Variants in PPFIBP2 observed in about 807,000 individuals in gnomAD.
PPFIBP2 encodes PPFIB scaffold protein 2.
Under a neutral mutation model 118.3 loss-of-function variants are expected in PPFIBP2, and 118 were observed. The observed-to-expected ratio is 1.00, with a 90% confidence interval of 0.86 to 1.16. The LOEUF is 1.16. Among genes scored for constraint, PPFIBP2 ranks in the 50% most tolerant of loss-of-function variants. The pLI is 0.00. For synonymous variants in PPFIBP2, 414 were observed against 397.4 expected (o/e 1.04, Z -0.50); for missense variants, 1,195 against 1,073.1 (o/e 1.11, Z -1.59).
intron 1 of PPFIBP2, among the ~76,000 whole-genome samples, chr11:7,539,787 G>A (rs530494045): frequency 6.6e-6 from 1 of 152,280 alleles, no homozygotes; most frequent in South Asian, 2.1e-4. Flanking sequence ...GAGTTGAGCA[G>A]GTAGAACGAA....
At chr11:7,632,283 C>A (rs1850868819) in intron 11 of PPFIBP2, 1 of 152,394 alleles carries the variant, frequency 6.6e-6, no homozygotes. Flanking sequence ...CCACTGTTCC[C>A]ATATTGTGTT....
chr11:7,634,647 G>A, intron 13 of PPFIBP2, 95 bp downstream of exon 13: 1 of 922,034 alleles, frequency 1.1e-6, no homozygotes. Flanking sequence ...TCCCTACCTT[G>A]TAGAGGATTT....
At chr11:7,580,767 C>T (rs527447116) in intron 3 of PPFIBP2, among the ~76,000 whole-genome samples, 2 of 152,276 alleles carry the variant, frequency 1.3e-5, no homozygotes, top group East Asian at 3.9e-4. Context: ...CTACCACATA[C>T]AGGCTTTATG....
intron 5 of PPFIBP2, among the ~76,000 whole-genome samples, chr11:7,608,788 A>G (rs1565049339): frequency 1.3e-5 from 2 of 152,238 alleles, no homozygotes. Flanking sequence ...TGGAGGGTTT[A>G]TTAAGAAGAT....
At chr11:7,618,671 A>G (rs1848973330) in intron 6 of PPFIBP2, among the ~76,000 whole-genome samples, 1 of 152,190 alleles carries the variant, frequency 6.6e-6, no homozygotes, top group Non-Finnish European at 1.5e-5. Flanking sequence ...TCATGGATGC[A>G]ATAACCTTAG....
In PPFIBP2 at chr11:7,578,257, A is replaced by G. The variant is rs147349524; in HGVS notation, c.279+12490A>G. Among the ~76,000 whole-genome samples the G allele has an allele frequency of 1.6e-4, 24 of 152,354 alleles. 1 individual carries two copies. The East Asian group carries it at 4.6e-3, about 29-fold the overall frequency. ...GGGGCTGGAGTAGCATCATACTCCT[A>G]GAATTCAGGCTGTTTCCTCTTTTGT... On this transcript the variant is annotated intron_variant, in intron 3 of 23. Transcript: ENST00000299492.
chr11:7,603,431 A>C (rs1846927173), intron 5 of PPFIBP2, among the ~76,000 whole-genome samples: 1 of 152,162 alleles, frequency 6.6e-6, no homozygotes, highest in Non-Finnish European at 1.5e-5. Context: ...CATGAAAGAG[A>C]CTTCCCTGCA....
chr11:7,653,209 G>A lies in PPFIBP2; in HGVS notation c.2622G>A (p.Gln874=), dbSNP rs1206354861. 1.9e-6 allele frequency: 3 copies of A among 1,614,134 alleles called. No homozygotes were observed. ...PELDGLDQVG[Q]IS is the part of the protein sequence containing the mutation. ...TGGATGGGCTGGACCAGGTGGGACAGATTAGCTGATGCCCTTGTCACCTGC... is the reference window on the plus strand; with the variant it reads ...TGGATGGGCTGGACCAGGTGGGACAAATTAGCTGATGCCCTTGTCACCTGC... The change falls in exon 24 of 24, where the codon CAG becomes CAA. Residue 874 remains glutamine, a synonymous_variant. Transcript: ENST00000299492.
intron 3 of PPFIBP2, among the ~76,000 whole-genome samples, chr11:7,580,553 T>G (rs1160028477): frequency 6.6e-6 from 1 of 152,074 alleles, no homozygotes; most frequent in Non-Finnish European, 1.5e-5. Context: ...AGGGGAAATA[T>G]TTGCTCAGAA....
chr11:7,586,455 C>A (rs1858199901), intron 3 of PPFIBP2, among the ~76,000 whole-genome samples: 1 of 152,112 alleles, frequency 6.6e-6, no homozygotes, highest in Non-Finnish European at 1.5e-5. Flanking sequence ...TATGATTATT[C>A]AAAAACTGTT....
intron 17 of PPFIBP2, among the ~76,000 whole-genome samples, chr11:7,645,097 A>AT (rs2135946932): frequency 6.8e-6 from 1 of 146,522 alleles, no homozygotes; most frequent in Non-Finnish European, 1.5e-5. Flanking sequence ...ACTGCTGACT[A>AT]TTTTTACTGC....
At chr11:7,601,997 T>C (rs929136795) in intron 5 of PPFIBP2, among the ~76,000 whole-genome samples, 2 of 143,606 alleles carry the variant, frequency 1.4e-5, no homozygotes, top group African/African-American at 5.2e-5. Context: ...GGAGGCTGAG[T>C]CAGGAGAATC....
At chr11:7,533,792 G>A (rs1489606519) in intron 1 of PPFIBP2, among the ~76,000 whole-genome samples, 2 of 152,230 alleles carry the variant, frequency 1.3e-5, no homozygotes, top group African/African-American at 4.8e-5. Flanking sequence ...GTCCAGTGAA[G>A]CTGGAACTCA....
intron 3 of PPFIBP2, chr11:7,577,448 C>T: frequency 2.7e-5 from 11 of 413,474 alleles, no homozygotes; most frequent in South Asian, 2.0e-4. Context: ...AGGACGCAGG[C>T]CAGGGAAGTG....
chr11:7,569,877 T>C (rs563480141), intron 3 of PPFIBP2, among the ~76,000 whole-genome samples: 2 of 152,150 alleles, frequency 1.3e-5, no homozygotes, highest in African/African-American at 4.8e-5. Flanking sequence ...TATGGTGAAA[T>C]GTAGGATGAT....
chr11:7,652,132 G>T (rs1352450715), intron 23 of PPFIBP2, among the ~76,000 whole-genome samples: 1 of 152,258 alleles, frequency 6.6e-6, no homozygotes, highest in African/African-American at 2.4e-5. Context: ...CACTGCTGCT[G>T]TGACTCACCT....
At chr11:7,631,706 G>T (rs1051423318) in intron 11 of PPFIBP2, among the ~76,000 whole-genome samples, 1 of 152,150 alleles carries the variant, frequency 6.6e-6, no homozygotes, top group African/African-American at 2.4e-5. Context: ...TAGTGCTTCA[G>T]TTCAACCTTT....
At chr11:7,533,045 T>TC (rs5789526) in intron 1 of PPFIBP2, among the ~76,000 whole-genome samples, 164 of 151,300 alleles carry the variant, frequency 1.1e-3, no homozygotes, top group African/African-American at 3.7e-3. Context: ...TTTTTTTTGT[T>TC]GTTGTTGCTT....
intron 5 of PPFIBP2, 86 bp from the exon 6 acceptor site, chr11:7,610,205 G>A: frequency 2.0e-6 from 3 of 1,468,624 alleles, no homozygotes; most frequent in African/African-American, 1.4e-5. Context: ...CACAACTTAG[G>A]TGTTGCCTTA....
Sources: allele counts gnomAD v4.1 joint callset (sites outside exome capture counted in the v4.1 genomes callset), GRCh38; gene constraint gnomAD v4.1.1; transcripts MANE v1.5; gene names NCBI Gene and HGNC (gene_info 2026-07-23, HGNC 2026-07-21).